FMO2: variants seen among roughly 807,000 people sequenced by gnomAD.
The protein encoded by FMO2 is flavin-containing monooxygenase 2.
In FMO2, 33 loss-of-function variants were observed where a neutral mutation model predicts 41.6. The ratio of observed to expected loss-of-function variants is 0.79; its 90% CI spans 0.60 to 1.06. The LOEUF (loss-of-function observed/expected upper bound fraction) is 1.06, where lower values mean the gene tolerates loss of function less well. Among genes scored for constraint, FMO2 ranks in the 50% least tolerant of loss-of-function variants. The probability of loss-of-function intolerance (pLI) is 0.00; values close to 1 mark genes in which losing one functional copy is unlikely to be tolerated. For synonymous variants in FMO2, 214 were observed against 219.6 expected, an observed-to-expected ratio of 0.97 and a Z score of 0.23; for missense variants, 619 against 632.9, an observed-to-expected ratio of 0.98 and a Z score of 0.23.
At chr1:171,199,183 C>T (rs1658426368) in intron 4 of FMO2, 163 bp from the exon 5 acceptor site, 5 of 575,206 alleles carry the variant, frequency 8.7e-6, no homozygotes, top group South Asian at 6.9e-5. Context: ...ACAGGCCCCA[C>T]CTGGTCTGGT....
chr1:171,197,785 G>C (rs1658363227), intron 4 of FMO2, among the ~76,000 whole-genome samples: 1 of 152,164 alleles, frequency 6.6e-6, no homozygotes, highest in Admixed American at 6.5e-5. Flanking sequence ...AGAAGAGGAA[G>C]AGAGACCTGA....
intron 2 of FMO2, among the ~76,000 whole-genome samples, chr1:171,192,236 A>T (rs553621179): frequency 3.6e-4 from 55 of 152,166 alleles, no homozygotes; most frequent in Non-Finnish European, 6.2e-4. Context: ...TGAAAATAAA[A>T]ACACTGTACC....
intron 8 of FMO2, among the ~76,000 whole-genome samples, chr1:171,208,299 T>G (rs887095609): frequency 6.6e-6 from 1 of 152,196 alleles, no homozygotes; most frequent in Non-Finnish European, 1.5e-5. Flanking sequence ...AAAGTTGATT[T>G]GGGGCTTACA....
At chr1:171,201,512 T>G (rs917514482) in intron 5 of FMO2, among the ~76,000 whole-genome samples, 4 of 152,150 alleles carry the variant, frequency 2.6e-5, no homozygotes, top group African/African-American at 7.2e-5. Context: ...TAGGCGCATC[T>G]GCAAAACTTG....
chr1:171,193,623 C>T, intron 3 of FMO2, 100 bp downstream of exon 3: 1 of 784,646 alleles, frequency 1.3e-6, no homozygotes, highest in Non-Finnish European at 2.0e-6. Context: ...AATGAAGTAT[C>T]CCATTCTAAG....
chr1:171,202,843 A>C (rs28369890), intron 5 of FMO2, among the ~76,000 whole-genome samples: 1 of 152,198 alleles, frequency 6.6e-6, no homozygotes, highest in Non-Finnish European at 1.5e-5. Flanking sequence ...ATGGTATGTA[A>C]AAATTTAAGA....
intron 5 of FMO2, among the ~76,000 whole-genome samples, chr1:171,203,269 G>A (rs560873793): frequency 6.6e-6 from 1 of 151,620 alleles, no homozygotes; most frequent in Non-Finnish European, 1.5e-5. Flanking sequence ...AGACTGCAAT[G>A]AGCTATGACT....
chr1:171,199,757 TC>T (rs1225374266), intron 5 of FMO2, among the ~76,000 whole-genome samples: 2 of 152,178 alleles, frequency 1.3e-5, no homozygotes, highest in Non-Finnish European at 2.9e-5. Context: ...CAGATGATTT[TC>T]CATATAAGAG....
intron 2 of FMO2, among the ~76,000 whole-genome samples, chr1:171,190,946 G>C (rs1294500625): frequency 1.3e-5 from 2 of 152,150 alleles, no homozygotes; most frequent in African/African-American, 4.8e-5. Context: ...GGGAGTTCGA[G>C]ACCAGCCTGA....
chr1:171,189,659 C>CTTTTTT (rs397827245), intron 2 of FMO2, among the ~76,000 whole-genome samples: 20 of 121,476 alleles, frequency 1.6e-4, no homozygotes, highest in African/African-American at 4.4e-4. Context: ...TTTTTCTTTT[C>CTTTTTT]TTTTTTTTTT....
chr1:171,203,753 A>G, intron 5 of FMO2, 112 bp from the exon 6 acceptor site: 1 of 920,990 alleles, frequency 1.1e-6, no homozygotes, highest in Non-Finnish European at 1.7e-6. Flanking sequence ...CATCTTTAAA[A>G]CAGAACCTCT....
At position 171,193,524 on chromosome 1, in the gene FMO2, G is replaced by C. The variant is rs1394169351; in HGVS notation, c.321+1G>C. 7 of 1,582,296 alleles carry C rather than the reference G, an allele frequency of 4.4e-6. No homozygotes were observed. Among genetic ancestry groups the C allele is most frequent in the Non-Finnish European group, 5.2e-6 (6 of 1,156,196 alleles). ...TCTGCTAAAATATATTCAGTTCCAG[G>C]TATTGTATTTTTGGGGAAATGGGTT... On this transcript the variant is annotated splice_donor_variant, in intron 3 of 8. Coordinates refer to ENST00000209929, the MANE Select transcript of FMO2 (RefSeq NM_001460.5). LOFTEE classifies it high-confidence loss of function.
At chr1:171,196,566 A>G (rs1219067836) in intron 3 of FMO2, 83 bp from the exon 4 acceptor site, 3 of 1,287,470 alleles carry the variant, frequency 2.3e-6, no homozygotes, top group African/African-American at 1.5e-5. Context: ...GGCCTCTTGC[A>G]TGAAGCAGCA....
In FMO2 at chr1:171,208,915, G is replaced by T; in HGVS notation, c.1378G>T (p.Ala460Ser). 1 of 1,613,950 alleles carries T rather than the reference G, an allele frequency of 6.2e-7. No individual in the cohort carries two copies. Among genetic ancestry groups the T allele is most frequent in the Non-Finnish European group, 8.5e-7 (1 of 1,179,876 alleles). ...CSLLFKDPKL[A>S]VRLYFGPCNS... Reference sequence around the variant, plus strand: ...TCTCTTGTTCAAAGATCCTAAACTGGCTGTGAGACTCTATTTCGGACCCTG... The same window carrying T: ...TCTCTTGTTCAAAGATCCTAAACTGTCTGTGAGACTCTATTTCGGACCCTG... Residue 460 changes from alanine to serine, a missense_variant, in exon 9 of 9, where the codon GCT (alanine) becomes TCT (serine). Ala to Ser is a moderately conservative substitution (Grantham distance 99, BLOSUM62 1). Transcript: ENST00000209929.
intron 2 of FMO2, 101 bp downstream of exon 2, chr1:171,185,946 G>A: frequency 8.2e-7 from 1 of 1,223,260 alleles, no homozygotes; most frequent in Non-Finnish European, 1.2e-6. Context: ...AAACAACTCT[G>A]ATCAGATTTT....
intron 5 of FMO2, among the ~76,000 whole-genome samples, chr1:171,200,957 C>T (rs1315937182): frequency 6.6e-6 from 1 of 152,138 alleles, no homozygotes; most frequent in African/African-American, 2.4e-5. Context: ...GACTACTTCA[C>T]GTTGTCAGAC....
At chr1:171,187,126 G>A (rs2101975283) in intron 2 of FMO2, among the ~76,000 whole-genome samples, 1 of 152,328 alleles carries the variant, frequency 6.6e-6, no homozygotes, top group South Asian at 2.1e-4. Context: ...CGGCCTACGT[G>A]ACTTCTAAAC....
intron 1 of FMO2, 114 bp from the exon 2 acceptor site, chr1:171,185,594 G>T: frequency 9.9e-7 from 1 of 1,014,438 alleles, no homozygotes; most frequent in East Asian, 2.4e-5. Flanking sequence ...CAATAGTGCT[G>T]CTTATTAAAT....
Position 171,209,360 on chromosome 1 carries a change from C to T in FMO2, c.*215C>T. 1 of 375,002 alleles carries T rather than the reference C, an allele frequency of 2.7e-6. No individual in the cohort carries two copies. The highest frequency in any genetic ancestry group is 4.7e-6 in the Non-Finnish European group (1 of 212,408). 23.2% of individuals were successfully genotyped at this position (375,002 alleles called of 1,614,324 possible). On this transcript the variant is annotated 3_prime_UTR_variant, in exon 9 of 9. Coordinates refer to ENST00000209929, the MANE Select transcript of FMO2 (RefSeq NM_001460.5). ...AAATTTTGCCTTTCCACGCTTCCCT[C>T]AGTTCACCAAAGTTACCAAAATGTA...
Sources: gnomAD v4.1 joint callset for allele counts (sites outside exome capture counted in the v4.1 genomes callset) on GRCh38, gnomAD v4.1.1 for gene constraint, MANE v1.5 for transcripts, NCBI Gene and HGNC (gene_info 2026-07-23, HGNC 2026-07-21) for gene names.